Variants in ANKRD30A observed in about 807,000 individuals in gnomAD.
ANKRD30A encodes the protein ankyrin repeat domain 30A.
In ANKRD30A, 170 loss-of-function variants were observed where a neutral mutation model predicts 166.3. That is an observed-to-expected ratio of 1.02 (90% CI 0.90 to 1.16). ANKRD30A has a LOEUF of 1.16. Ranked by LOEUF, ANKRD30A falls within the 50% of genes most tolerant of loss-of-function variation. The pLI is 0.00. For synonymous variants in ANKRD30A, 564 were observed against 508.9 expected, an observed-to-expected ratio of 1.11 and a Z score of -1.46; for missense variants, 1,630 against 1,518.0, an observed-to-expected ratio of 1.07 and a Z score of -1.23.
At chr10:37,153,446 C>A (rs1838113523) in intron 12 of ANKRD30A, 126 bp from the exon 13 acceptor site, 2 of 1,418,826 alleles carry the variant, frequency 1.4e-6, no homozygotes, top group Non-Finnish European at 1.9e-6. Flanking sequence ...TGTATCTGCA[C>A]TTAAGTCGAA....
the ANKRD30A span, among the ~76,000 whole-genome samples, chr10:37,254,685 T>A: frequency 7.1e-6 from 1 of 141,808 alleles, no homozygotes; most frequent in Non-Finnish European, 1.5e-5. Context: ...TTTCTTTTCT[T>A]TTTTTTTTTT....
rs187974945 is a variant in ANKRD30A, at chr10:37,199,566, C to A, written c.2717-161C>A. Among the ~76,000 whole-genome samples, 3 of 152,034 alleles carry A rather than the reference C, an allele frequency of 2.0e-5. No homozygotes were observed. The East Asian group carries it at 5.8e-4, about 29-fold the overall frequency. ...CAGACTTTTCAGATTTCAATTCTAA[C>A]GGATTGACTATAGGAAGTAGTCATT... On this transcript the variant is annotated intron_variant, in intron 29 of 35. Coordinates refer to ENST00000361713, the MANE Select transcript of ANKRD30A (RefSeq NM_052997.3).
chr10:37,193,497 G>C (rs931476389), intron 27 of ANKRD30A, among the ~76,000 whole-genome samples: 1 of 151,902 alleles, frequency 6.6e-6, no homozygotes, highest in Non-Finnish European at 1.5e-5. Context: ...TGTCCTGATC[G>C]GATAAAGTTT....
intron 4 of ANKRD30A, 58 bp from the exon 5 acceptor site, chr10:37,133,858 A>G: frequency 6.3e-7 from 1 of 1,575,932 alleles, no homozygotes; most frequent in Non-Finnish European, 8.7e-7. Flanking sequence ...CTACAATGAC[A>G]GGCACATATT....
rs376482133 is a variant in ANKRD30A, at chr10:37,125,630, C to A, written c.-158C>A. Among the ~76,000 whole-genome samples, 2 of 152,078 alleles carry A rather than the reference C, an allele frequency of 1.3e-5. No homozygotes were observed. The highest frequency in any genetic ancestry group is 4.8e-5 in the African/African-American group (2 of 41,408). On this transcript the variant is annotated 5_prime_UTR_variant, in exon 1 of 36. Transcript: ENST00000361713. ...CTCAGCGCGATTCTACTGAGAGAGG[C>A]CTGAGTGTGCAAGAGCTTGGCGAAC...
In ANKRD30A at chr10:37,216,089, T is replaced by C. The variant is rs541276427; in HGVS notation, c.2870-92T>C. The C allele has an allele frequency of 9.6e-4, 815 of 853,240 alleles. 1 individual carries two copies. The Middle Eastern group carries it at 0.01, about 10-fold the overall frequency. 52.9% of individuals were successfully genotyped at this position (853,240 alleles called of 1,614,324 possible). On this transcript the variant is annotated intron_variant, in intron 31 of 35. Transcript: ENST00000361713. ...CCACGTGGTAGGCAATCAATATATA[T>C]TTGTTCAGTGTATAAGTGATTGTTA... is the stretch of plus-strand genomic sequence containing the variant.
chr10:37,254,507 T>C, the ANKRD30A span, among the ~76,000 whole-genome samples: 2 of 151,966 alleles, frequency 1.3e-5, no homozygotes, highest in Admixed American at 6.6e-5. Context: ...TCGACACTTA[T>C]ATCTTCTTTA....
chr10:37,262,386 G>A, the ANKRD30A span: 1 of 153,512 alleles, frequency 6.5e-6, no homozygotes, highest in South Asian at 2.1e-4. Context: ...CTGCCTTGGA[G>A]AAAGCAGATC....
At chr10:37,196,093 A>G (rs368997908) in intron 27 of ANKRD30A, among the ~76,000 whole-genome samples, 1 of 129,456 alleles carries the variant, frequency 7.7e-6, no homozygotes, top group African/African-American at 2.9e-5. Flanking sequence ...TATATTTTCT[A>G]TTTTTTTTTT....
intron 31 of ANKRD30A, 110 bp downstream of exon 31, chr10:37,201,435 T>A: frequency 1.2e-6 from 1 of 805,964 alleles, no homozygotes; most frequent in Non-Finnish European, 1.8e-6. Flanking sequence ...ATGCAAACCA[T>A]GGAAAAAAAG....
At chr10:37,230,287 A>C (rs552440193) in intron 34 of ANKRD30A, among the ~76,000 whole-genome samples, 44 of 152,148 alleles carry the variant, frequency 2.9e-4, no homozygotes, top group African/African-American at 9.9e-4. Flanking sequence ...TTTGCCTCAA[A>C]AGTTTAATTT....
chr10:37,217,569 GA>G, intron 32 of ANKRD30A, 125 bp from the exon 33 acceptor site: 2 of 707,396 alleles, frequency 2.8e-6, no homozygotes, highest in Non-Finnish European at 4.2e-6. Context: ...TGAGAACTAG[GA>G]AGAAAAAAAT....
chr10:37,164,865 C>A (rs550640544), intron 17 of ANKRD30A, among the ~76,000 whole-genome samples: 197 of 152,110 alleles, frequency 1.3e-3, no homozygotes, highest in African/African-American at 4.6e-3. Flanking sequence ...ACAAGTTAGT[C>A]AAATTTCTAT....
intron 9 of ANKRD30A, 111 bp from the exon 10 acceptor site, chr10:37,149,540 T>C (rs1226298817): frequency 3.0e-6 from 4 of 1,321,108 alleles, no homozygotes; most frequent in Non-Finnish European, 4.3e-6. Context: ...ATCTAAAGTA[T>C]TCGTTCTCAA....
intron 27 of ANKRD30A, among the ~76,000 whole-genome samples, chr10:37,196,419 T>A (rs1841115593): frequency 6.6e-6 from 1 of 152,134 alleles, no homozygotes; most frequent in Admixed American, 6.6e-5. Context: ...GGGTTTATGT[T>A]TAAGGAAGTG....
chr10:37,234,209 G>A (rs909221940), downstream of ANKRD30A, among the ~76,000 whole-genome samples: 13 of 152,022 alleles, frequency 8.6e-5, no homozygotes, highest in Non-Finnish European at 4.4e-5. Flanking sequence ...AGATAACTAC[G>A]TATACTTTTT....
intron 34 of ANKRD30A, among the ~76,000 whole-genome samples, chr10:37,229,893 T>G (rs1184105186): frequency 6.6e-6 from 1 of 151,966 alleles, no homozygotes; most frequent in African/African-American, 2.4e-5. Context: ...AATAATCACA[T>G]TAGGGTAAAT....
intron 7 of ANKRD30A, 83 bp downstream of exon 7, chr10:37,142,373 G>A (rs1837204554): frequency 2.4e-6 from 3 of 1,250,576 alleles, no homozygotes; most frequent in Non-Finnish European, 3.3e-6. Flanking sequence ...GAGTAGTTGG[G>A]AATGACTTGA....
chr10:37,204,987 T>TTACA (rs1482352778), intron 31 of ANKRD30A, among the ~76,000 whole-genome samples: 3 of 152,236 alleles, frequency 2.0e-5, no homozygotes, highest in African/African-American at 7.2e-5. Context: ...AGGAACGCTT[T>TTACA]TACACTGTTG....
Sources: allele counts gnomAD v4.1 joint callset (sites outside exome capture counted in the v4.1 genomes callset), GRCh38; gene constraint gnomAD v4.1.1; transcripts MANE v1.5; gene names NCBI Gene and HGNC (gene_info 2026-07-23, HGNC 2026-07-21).